PEX7: variants seen among roughly 807,000 people sequenced by gnomAD.
PEX7 encodes the protein peroxisomal biogenesis factor 7.
In PEX7, 34 loss-of-function variants were observed where a neutral mutation model predicts 47.5. That is an observed-to-expected ratio of 0.72 (90% CI 0.54 to 0.95). The LOEUF is 0.95. PEX7 is among the 40% of genes least tolerant of loss of function. The pLI, the probability that PEX7 is intolerant of heterozygous loss-of-function variation, is 0.00. For missense variants in PEX7, 394 were observed against 400.3 expected (o/e 0.98, Z 0.13); for synonymous variants, 141 against 148.8 (o/e 0.95, Z 0.38).
At chr6:136,897,048 G>A (rs761584398) in intron 8 of PEX7, among the ~76,000 whole-genome samples, 1 of 152,098 alleles carries the variant, frequency 6.6e-6, no homozygotes, top group Non-Finnish European at 1.5e-5. Context: ...CAAATATTTT[G>A]TAGATTTTGG....
At chr6:136,885,440 T>C (rs1458048684) in intron 8 of PEX7, among the ~76,000 whole-genome samples, 1 of 152,246 alleles carries the variant, frequency 6.6e-6, no homozygotes, top group African/African-American at 2.4e-5. Context: ...ATTTCAGTGT[T>C]GTCAAACTGT....
chr6:136,905,320 T>C (rs78119885), intron 9 of PEX7, among the ~76,000 whole-genome samples: 5,778 of 152,320 alleles, frequency 0.038, 120 homozygotes, highest in African/African-American at 0.059. Flanking sequence ...TTCTTCTGTT[T>C]TCAAAGCTCT....
At chr6:136,909,938 T>C (rs1775907033) in intron 9 of PEX7, among the ~76,000 whole-genome samples, 1 of 152,176 alleles carries the variant, frequency 6.6e-6, no homozygotes, top group Non-Finnish European at 1.5e-5. Flanking sequence ...TAGCGGATGC[T>C]TAACATGTGG....
intron 3 of PEX7, among the ~76,000 whole-genome samples, chr6:136,835,299 T>C (rs535724570): frequency 6.6e-6 from 1 of 151,858 alleles, no homozygotes; most frequent in East Asian, 1.9e-4. Context: ...TTTTTCTTTT[T>C]TTTTTTTGAG....
At chr6:136,833,174 C>A (rs771180132) in intron 3 of PEX7, among the ~76,000 whole-genome samples, 6 of 152,028 alleles carry the variant, frequency 3.9e-5, no homozygotes, top group Non-Finnish European at 8.8e-5. Flanking sequence ...ACTGGGGAGG[C>A]CTTAGGAAAC....
In PEX7 at chr6:136,870,798, G is replaced by A. The variant is rs1337433107; in HGVS notation, c.747+795G>A. 3.8e-5 allele frequency: 15 copies of A among 399,462 alleles called. 1 individual carries two copies. The highest frequency in any genetic ancestry group is 3.6e-4 in the Admixed American group (13 of 36,100). The allele number at this position is 399,462 out of a possible 1,614,324, so 24.7% of individuals were successfully genotyped here. ...TGCAACCTCTGCCTTCTGGGTTCAA[G>A]CTGTTCTCCTGCCTCAGCCTACTGA... On this transcript the variant is annotated intron_variant, in intron 7 of 9. Transcript: ENST00000318471.
At chr6:136,849,529 T>C (rs964802501) in intron 5 of PEX7, among the ~76,000 whole-genome samples, 1 of 152,214 alleles carries the variant, frequency 6.6e-6, no homozygotes, top group African/African-American at 2.4e-5. Flanking sequence ...TTTAAATGTG[T>C]CCCAGAGATT....
chr6:136,870,792 G>T, intron 7 of PEX7: 1 of 400,886 alleles, frequency 2.5e-6, no homozygotes, highest in Non-Finnish European at 5.0e-6. Flanking sequence ...TGCCTTCTGG[G>T]TTCAAGCTGT....
At chr6:136,877,095 A>G (rs751426591) in intron 8 of PEX7, among the ~76,000 whole-genome samples, 19 of 151,976 alleles carry the variant, frequency 1.3e-4, no homozygotes, top group Non-Finnish European at 2.5e-4. Flanking sequence ...ACTGGTGATG[A>G]TGAGCTTTTT....
rs370027450 is a variant in PEX7 at position 136,839,962 on chromosome 6, G to A, written c.340-5653G>A. On this transcript the variant is annotated intron_variant, in intron 3 of 9. Transcript: ENST00000318471. ...GGGAAGGGAGGATTTGTCTGGGGAA[G>A]GGGCAGGGAGGGCATCCTTTGGTCT... Among the ~76,000 whole-genome samples, 30 of 152,226 alleles carry A rather than the reference G, an allele frequency of 2.0e-4. 1 individual carries two copies. Among genetic ancestry groups the A allele is most frequent in the Admixed American group, 9.2e-4 (14 of 15,290 alleles).
chr6:136,876,510 C>T (rs576301290), intron 8 of PEX7, among the ~76,000 whole-genome samples: 15 of 152,214 alleles, frequency 9.9e-5, no homozygotes, highest in Admixed American at 2.0e-4. Flanking sequence ...CCCCAAAAGG[C>T]CCCAATGTGT....
chr6:136,830,765 TATTA>T (rs1774279008), intron 3 of PEX7, among the ~76,000 whole-genome samples: 1 of 152,230 alleles, frequency 6.6e-6, no homozygotes, highest in African/African-American at 2.4e-5. Context: ...CAATGTAATA[TATTA>T]ATTTCTAATT....
At chr6:136,870,499 C>CAGAG (rs893136131) in intron 7 of PEX7, among the ~76,000 whole-genome samples, 1 of 152,082 alleles carries the variant, frequency 6.6e-6, no homozygotes, top group Non-Finnish European at 1.5e-5. Flanking sequence ...ATGATGGTCT[C>CAGAG]AGTAAATTTA....
chr6:136,855,566 C>G (rs1283414489), intron 5 of PEX7: 1 of 172,044 alleles, frequency 5.8e-6, no homozygotes, highest in East Asian at 1.8e-4. Context: ...TCTCAAGCTC[C>G]TGACCTCAGG....
intron 9 of PEX7, among the ~76,000 whole-genome samples, chr6:136,908,281 A>G (rs1274003845): frequency 1.3e-5 from 2 of 152,216 alleles, no homozygotes; most frequent in Admixed American, 6.5e-5. Context: ...TTGCTGTATT[A>G]AAGTGAAAAT....
intron 8 of PEX7, among the ~76,000 whole-genome samples, chr6:136,876,403 A>G (rs961257939): frequency 3.9e-5 from 6 of 152,146 alleles, no homozygotes; most frequent in Non-Finnish European, 5.9e-5. Flanking sequence ...GTTTGTTAAC[A>G]TAGGTATATA....
chr6:136,861,994 C>CTA (rs1328955585), intron 5 of PEX7, among the ~76,000 whole-genome samples: 1 of 138,584 alleles, frequency 7.2e-6, no homozygotes. Flanking sequence ...TTCATCAAAG[C>CTA]TATATATATA....
intron 8 of PEX7, among the ~76,000 whole-genome samples, chr6:136,877,181 G>A (rs1775290180): frequency 6.6e-6 from 1 of 151,296 alleles, no homozygotes; most frequent in African/African-American, 2.4e-5. Context: ...CTTTTTGATG[G>A]GGTTGTTTTT....
intron 8 of PEX7, among the ~76,000 whole-genome samples, chr6:136,886,729 T>C (rs1187487935): frequency 6.7e-6 from 1 of 149,828 alleles, no homozygotes; most frequent in Non-Finnish European, 1.5e-5. Flanking sequence ...CCATACAAAG[T>C]TGAATATGTC....
Sources: allele counts gnomAD v4.1 joint callset (sites outside exome capture counted in the v4.1 genomes callset), GRCh38; gene constraint gnomAD v4.1.1; transcripts MANE v1.5; gene names NCBI Gene and HGNC (gene_info 2026-07-23, HGNC 2026-07-21).